CNTN5: variants seen among roughly 807,000 people sequenced by gnomAD.
CNTN5 encodes contactin 5.
Under a neutral mutation model 129.1 loss-of-function variants are expected in CNTN5, and 77 were observed. That is an observed-to-expected ratio of 0.60 (90% CI 0.50 to 0.72). The LOEUF is 0.72. CNTN5 is among the 30% of genes least tolerant of loss of function. The pLI is 0.00. For synonymous variants in CNTN5, 509 were observed against 465.6 expected (o/e 1.09, Z -1.20); for missense variants, 1,478 against 1,328.8 (o/e 1.11, Z -1.75).
intron 13 of CNTN5, among the ~76,000 whole-genome samples, chr11:100,140,396 G>GA (rs1443661186): frequency 2.0e-5 from 3 of 152,160 alleles, no homozygotes; most frequent in Non-Finnish European, 2.9e-5. Flanking sequence ...AACATAGGAA[G>GA]AAGTGGTTAT....
At chr11:99,643,207 T>C (rs865993819) in intron 3 of CNTN5, among the ~76,000 whole-genome samples, 2 of 148,056 alleles carry the variant, frequency 1.4e-5, no homozygotes, top group African/African-American at 4.9e-5. Flanking sequence ...ATCTCAATAA[T>C]GGGGAACTAG....
In CNTN5 at chr11:99,293,540, A is replaced by G. The variant is rs538681564; in HGVS notation, c.-209-31806A>G. Reference sequence around the variant, plus strand: ...TTTGGTAGAATTTAGCAATACAGCCACTGGGTCCTAGGCTTTTCTTTGATG... The same window carrying G: ...TTTGGTAGAATTTAGCAATACAGCCGCTGGGTCCTAGGCTTTTCTTTGATG... On this transcript the variant is annotated intron_variant, in intron 1 of 24. Coordinates refer to ENST00000524871, the MANE Select transcript of CNTN5 (RefSeq NM_014361.4). 2.0e-5 allele frequency among the ~76,000 whole-genome samples: 3 copies of G among 152,282 alleles called. No homozygotes were observed. The East Asian group carries it at 5.8e-4, about 29-fold the overall frequency.
At chr11:100,095,372 C>A (rs1217484495) in intron 13 of CNTN5, among the ~76,000 whole-genome samples, 1 of 151,400 alleles carries the variant, frequency 6.6e-6, no homozygotes, top group Non-Finnish European at 1.5e-5. Flanking sequence ...AACCAGAAGT[C>A]TTTTTATAAT....
chr11:100,301,743 G>T (rs2138898648), intron 20 of CNTN5, among the ~76,000 whole-genome samples: 1 of 151,690 alleles, frequency 6.6e-6, no homozygotes, highest in South Asian at 2.1e-4. Context: ...ACACTAACTA[G>T]ACCATCTTGG....
At chr11:99,345,629 T>C (rs1240226944) in intron 2 of CNTN5, among the ~76,000 whole-genome samples, 1 of 152,230 alleles carries the variant, frequency 6.6e-6, no homozygotes, top group South Asian at 2.1e-4. Context: ...TTTGATCCGA[T>C]GTCTAAAGAG....
At position 99,270,028 on chromosome 11, in the gene CNTN5, G is replaced by C. The variant is rs183294123; in HGVS notation, c.-209-55318G>C. Among the ~76,000 whole-genome samples, 1,073 of 151,834 alleles carry C rather than the reference G, an allele frequency of 7.1e-3. 4 individuals carry two copies. The highest frequency in any genetic ancestry group is 0.012 in the Non-Finnish European group (841 of 67,838). ...TTACATAAAACTTGTTAGGATTGGTGTGTGTGCCCTTCTTAATCTCTTTAT... is the reference window on the plus strand; with the variant it reads ...TTACATAAAACTTGTTAGGATTGGTCTGTGTGCCCTTCTTAATCTCTTTAT... On this transcript the variant is annotated intron_variant, in intron 1 of 24. Transcript: ENST00000524871.
intron 2 of CNTN5, among the ~76,000 whole-genome samples, chr11:99,414,095 G>A (rs965185245): frequency 2.0e-5 from 3 of 152,148 alleles, no homozygotes; most frequent in African/African-American, 7.2e-5. Flanking sequence ...GTTGATATTT[G>A]AAGAAAATTC....
chr11:100,354,228 T>C (rs1952477792), intron 24 of CNTN5, among the ~76,000 whole-genome samples: 1 of 151,614 alleles, frequency 6.6e-6, no homozygotes. Context: ...ACAATAATCA[T>C]TTATTAAATA....
At chr11:99,269,485 GT>G (rs1237211341) in intron 1 of CNTN5, among the ~76,000 whole-genome samples, 1 of 151,668 alleles carries the variant, frequency 6.6e-6, no homozygotes, top group African/African-American at 2.4e-5. Flanking sequence ...GAACATACCA[GT>G]TTTTATTCTA....
intron 3 of CNTN5, among the ~76,000 whole-genome samples, chr11:99,646,387 C>G (rs900542770): frequency 6.6e-6 from 1 of 152,120 alleles, no homozygotes; most frequent in African/African-American, 2.4e-5. Flanking sequence ...TGACACTTTG[C>G]TTGTGTCTTC....
intron 2 of CNTN5, among the ~76,000 whole-genome samples, chr11:99,523,526 T>A (rs1353720858): frequency 6.6e-6 from 1 of 151,856 alleles, no homozygotes; most frequent in Non-Finnish European, 1.5e-5. Context: ...GCCCTGGCGA[T>A]GGAGGTAGCT....
intron 6 of CNTN5, among the ~76,000 whole-genome samples, chr11:99,913,761 G>A (rs1047488251): frequency 7.2e-5 from 11 of 151,874 alleles, no homozygotes; most frequent in Non-Finnish European, 4.4e-5. Flanking sequence ...TATTAATCTT[G>A]TAAATACAAT....
intron 3 of CNTN5, among the ~76,000 whole-genome samples, chr11:99,706,214 T>C (rs17134232): frequency 0.02 from 2,980 of 151,376 alleles, 95 homozygotes; most frequent in African/African-American, 0.067. Context: ...CAAGTGTGCA[T>C]AGGTGGAAAT....
chr11:100,212,938 T>C (rs1040551726), intron 15 of CNTN5, among the ~76,000 whole-genome samples: 6 of 152,040 alleles, frequency 3.9e-5, no homozygotes, highest in Non-Finnish European at 7.4e-5. Context: ...ATGGCACCCT[T>C]AGTACTGGGA....
At chr11:99,999,146 A>G (rs1284362572) in intron 8 of CNTN5, among the ~76,000 whole-genome samples, 5 of 152,084 alleles carry the variant, frequency 3.3e-5, no homozygotes, top group African/African-American at 1.2e-4. Context: ...AAAAGCCAAA[A>G]TTGACAAATG....
At chr11:100,251,831 TAG>T (rs1949968460) in intron 16 of CNTN5, among the ~76,000 whole-genome samples, 1 of 152,166 alleles carries the variant, frequency 6.6e-6, no homozygotes, top group Non-Finnish European at 1.5e-5. Context: ...GTTGGACTCC[TAG>T]GTTGATTCCA....
At chr11:99,123,116 G>T (rs117426490) in intron 1 of CNTN5, among the ~76,000 whole-genome samples, 11,647 of 152,094 alleles carry the variant, frequency 0.077, 515 homozygotes, top group African/African-American at 0.12. Context: ...TTGAGAAATT[G>T]CCACACTGCT....
chr11:99,843,205 G>A (rs1656805838), intron 4 of CNTN5, among the ~76,000 whole-genome samples: 1 of 152,142 alleles, frequency 6.6e-6, no homozygotes, highest in African/African-American at 2.4e-5. Flanking sequence ...GACAGAGTGG[G>A]AGTGAGACTC....
intron 1 of CNTN5, among the ~76,000 whole-genome samples, chr11:99,231,203 G>A (rs996671681): frequency 8.5e-5 from 13 of 152,080 alleles, no homozygotes; most frequent in African/African-American, 3.1e-4. Flanking sequence ...GGTATTTCTG[G>A]TTCTAGGTCT....
Sources: allele counts gnomAD v4.1 joint callset (sites outside exome capture counted in the v4.1 genomes callset), GRCh38; gene constraint gnomAD v4.1.1; transcripts MANE v1.5; gene names NCBI Gene and HGNC (gene_info 2026-07-23, HGNC 2026-07-21).